Variants in CDH18 observed in about 807,000 individuals in gnomAD.
The protein encoded by CDH18 is cadherin 18.
In CDH18, 31 loss-of-function variants were observed where a neutral mutation model predicts 67.9. That is an observed-to-expected ratio of 0.46 (90% CI 0.34 to 0.62). The LOEUF is 0.62. CDH18 is among the 20% of genes least tolerant of loss of function. The pLI, the probability that CDH18 is intolerant of heterozygous loss-of-function variation, is 0.01. For synonymous variants in CDH18, 362 were observed against 347.2 expected, an observed-to-expected ratio of 1.04 and a Z score of -0.48; for missense variants, 890 against 975.5, an observed-to-expected ratio of 0.91 and a Z score of 1.17.
At chr5:19,529,622 G>A (rs1344169233) in intron 9 of CDH18, among the ~76,000 whole-genome samples, 1 of 151,978 alleles carries the variant, frequency 6.6e-6, no homozygotes, top group South Asian at 2.1e-4. Context: ...TATTAAAACA[G>A]TCTAGCAGTA....
chr5:20,373,781 C>T (rs1743197410), intron 1 of CDH18, among the ~76,000 whole-genome samples: 1 of 151,988 alleles, frequency 6.6e-6, no homozygotes. Context: ...TTAAGGCTAA[C>T]ACACTCAAAA....
At chr5:19,648,525 A>G (rs1287688140) in intron 5 of CDH18, among the ~76,000 whole-genome samples, 1 of 152,182 alleles carries the variant, frequency 6.6e-6, no homozygotes, top group Non-Finnish European at 1.5e-5. Flanking sequence ...GTTTTGTTTT[A>G]TTGTTTTCAA....
At chr5:20,489,437 T>G (rs1039617906) in intron 1 of CDH18, among the ~76,000 whole-genome samples, 1 of 152,108 alleles carries the variant, frequency 6.6e-6, no homozygotes. Flanking sequence ...TAGCAAATAA[T>G]GATTATTGTT....
intron 1 of CDH18, among the ~76,000 whole-genome samples, chr5:20,448,293 T>C (rs1203788558): frequency 6.6e-6 from 1 of 151,366 alleles, no homozygotes; most frequent in Admixed American, 6.6e-5. Context: ...TTTTTTTTTT[T>C]GAGATATCTT....
chr5:20,045,116 T>C (rs1740790886), intron 2 of CDH18, among the ~76,000 whole-genome samples: 1 of 152,196 alleles, frequency 6.6e-6, no homozygotes, highest in Non-Finnish European at 1.5e-5. Flanking sequence ...ATAATGTTTT[T>C]GTTCTCTGTT....
chr5:20,283,456 T>C (rs1393859576), intron 1 of CDH18, among the ~76,000 whole-genome samples: 1 of 151,798 alleles, frequency 6.6e-6, no homozygotes, highest in Non-Finnish European at 1.5e-5. Context: ...AATAGACACA[T>C]CTCAAAAGAA....
chr5:20,418,930 C>T (rs1413493412), intron 1 of CDH18, among the ~76,000 whole-genome samples: 1 of 151,996 alleles, frequency 6.6e-6, no homozygotes, highest in Non-Finnish European at 1.5e-5. Context: ...ACCAAACATT[C>T]TCTCTCCATA....
At chr5:19,932,803 T>C (rs564491047) in intron 2 of CDH18, among the ~76,000 whole-genome samples, 1 of 151,786 alleles carries the variant, frequency 6.6e-6, no homozygotes, top group South Asian at 2.1e-4. Flanking sequence ...ACCACTTGTC[T>C]AATTAGCTCT....
intron 4 of CDH18, among the ~76,000 whole-genome samples, chr5:19,731,369 T>C (rs1340109520): frequency 1.3e-5 from 2 of 152,056 alleles, no homozygotes; most frequent in Non-Finnish European, 2.9e-5. Context: ...GAGAATGGCA[T>C]GAACCTGGGA....
chr5:19,949,955 G>A (rs1579754863), intron 2 of CDH18, among the ~76,000 whole-genome samples: 1 of 137,528 alleles, frequency 7.3e-6, no homozygotes, highest in African/African-American at 2.8e-5. Flanking sequence ...CATTAATCAA[G>A]TGAATAAAGA....
At chr5:19,763,054 C>T (rs1241894214) in intron 3 of CDH18, among the ~76,000 whole-genome samples, 2 of 152,120 alleles carry the variant, frequency 1.3e-5, no homozygotes, top group Non-Finnish European at 2.9e-5. Context: ...ACAATGAGAA[C>T]ACTTGGACAC....
chr5:19,701,770 C>T (rs1253496002), intron 5 of CDH18, among the ~76,000 whole-genome samples: 1 of 152,056 alleles, frequency 6.6e-6, no homozygotes, highest in Non-Finnish European at 1.5e-5. Flanking sequence ...TGGTGGCCAT[C>T]AAGCAGACCA....
intron 3 of CDH18, among the ~76,000 whole-genome samples, chr5:19,751,529 A>G (rs879612437): frequency 2.6e-5 from 4 of 152,234 alleles, no homozygotes; most frequent in Admixed American, 6.5e-5. Flanking sequence ...AGAAATGTGA[A>G]AACATGGGGA....
intron 1 of CDH18, among the ~76,000 whole-genome samples, chr5:20,510,608 A>G (rs911825549): frequency 6.6e-6 from 1 of 152,138 alleles, no homozygotes; most frequent in African/African-American, 2.4e-5. Flanking sequence ...GTGGGATTCT[A>G]TCATGTTTTT....
At chr5:19,839,326 A>G (rs1214627295) in intron 2 of CDH18, 84 bp from the exon 3 acceptor site, 2 of 258,840 alleles carry the variant, frequency 7.7e-6, no homozygotes, top group Non-Finnish European at 1.5e-5. Flanking sequence ...CTATTTTGCA[A>G]TGTGATACTG....
At chr5:20,276,643 G>A (rs1035442107) in intron 1 of CDH18, among the ~76,000 whole-genome samples, 1 of 152,186 alleles carries the variant, frequency 6.6e-6, no homozygotes, top group Non-Finnish European at 1.5e-5. Flanking sequence ...AGAGGAAAGA[G>A]TAAAGGGAAC....
At chr5:19,597,150 G>T (rs1167492086) in intron 6 of CDH18, among the ~76,000 whole-genome samples, 1 of 152,164 alleles carries the variant, frequency 6.6e-6, no homozygotes, top group Non-Finnish European at 1.5e-5. Context: ...GCAGCCCATA[G>T]AGCAAGTGAG....
chr5:19,904,589 G>A (rs1790333937), intron 2 of CDH18, among the ~76,000 whole-genome samples: 1 of 152,104 alleles, frequency 6.6e-6, no homozygotes, highest in African/African-American at 2.4e-5. Flanking sequence ...GTGAAAGATC[G>A]TCATCACTCT....
At chr5:20,418,471 T>C (rs755265879) in intron 1 of CDH18, among the ~76,000 whole-genome samples, 41 of 151,798 alleles carry the variant, frequency 2.7e-4, no homozygotes, top group Non-Finnish European at 4.1e-4. Flanking sequence ...CACATGCGCA[T>C]GTACACACAC....
Sources: allele counts gnomAD v4.1 joint callset (sites outside exome capture counted in the v4.1 genomes callset), GRCh38; gene constraint gnomAD v4.1.1; transcripts MANE v1.5; gene names NCBI Gene and HGNC (gene_info 2026-07-23, HGNC 2026-07-21).